TAX1BP1: variants seen among roughly 807,000 people sequenced by gnomAD.
TAX1BP1 encodes the protein Tax1 binding protein 1.
In TAX1BP1, 62 loss-of-function variants were observed where a neutral mutation model predicts 97.7. The observed-to-expected ratio is 0.63, with a 90% confidence interval of 0.52 to 0.78. The LOEUF is 0.78. TAX1BP1 is among the 30% of genes least tolerant of loss of function. The pLI, the probability that TAX1BP1 is intolerant of heterozygous loss-of-function variation, is 0.00. For missense variants in TAX1BP1, 867 were observed against 916.1 expected, an observed-to-expected ratio of 0.95 and a Z score of 0.69; for synonymous variants, 340 against 304.2, an observed-to-expected ratio of 1.12 and a Z score of -1.23.
rs146717285 is a variant in TAX1BP1, at chr7:27,792,000, C to A, written c.1039-6C>A. On this transcript the variant is annotated splice_region_variant and splice_polypyrimidine_tract_variant and intron_variant, in intron 8 of 16. Coordinates refer to ENST00000396319, the MANE Select transcript of TAX1BP1 (RefSeq NM_006024.7). ...AATTACAAATATATTTATCTGCTTT[C>A]TTCAGGAAGATACTTGTTTTTTAAA... The A allele has an allele frequency of 3.7e-4, 593 of 1,612,644 alleles. 1 individual carries two copies. In the African/African-American group the frequency reaches 7.3e-3, roughly 20 times the overall value.
At chr7:27,808,278 A>G (rs1455211647) in intron 13 of TAX1BP1, among the ~76,000 whole-genome samples, 1 of 152,240 alleles carries the variant, frequency 6.6e-6, no homozygotes, top group Non-Finnish European at 1.5e-5. Flanking sequence ...TTATACCTCC[A>G]ATTGTAGTCT....
chr7:27,820,673 A>G (rs1388660763), intron 15 of TAX1BP1, among the ~76,000 whole-genome samples: 1 of 152,204 alleles, frequency 6.6e-6, no homozygotes, highest in African/African-American at 2.4e-5. Flanking sequence ...TGAAAGAATG[A>G]AATTAGACTC....
At position 27,764,763 on chromosome 7, in the gene TAX1BP1, G is replaced by A. The variant is rs79275794; in HGVS notation, c.266-1071G>A. Among the ~76,000 whole-genome samples, 745 of 151,742 alleles carry A rather than the reference G, an allele frequency of 4.9e-3. 5 individuals carry two copies. Among genetic ancestry groups the A allele is most frequent in the African/African-American group, 0.014 (559 of 41,392 alleles). On this transcript the variant is annotated intron_variant, in intron 3 of 16. Transcript: ENST00000396319. ...TGTATATTTATTAGTTGATCATTAC[G>A]TTAGAAAGAATTTTCTTCTTCTCCA...
intron 13 of TAX1BP1, among the ~76,000 whole-genome samples, chr7:27,804,555 A>G (rs897759017): frequency 6.6e-6 from 1 of 152,236 alleles, no homozygotes; most frequent in East Asian, 1.9e-4. Context: ...CCCACTTTAG[A>G]TGCCAGTTAC....
intron 10 of TAX1BP1, among the ~76,000 whole-genome samples, chr7:27,793,697 A>G (rs1026390520): frequency 6.6e-6 from 1 of 152,158 alleles, no homozygotes; most frequent in African/African-American, 2.4e-5. Flanking sequence ...CCATTTGAGA[A>G]TAGGTAGGTA....
chr7:27,741,416 T>A (rs1322065037), intron 1 of TAX1BP1, among the ~76,000 whole-genome samples: 3 of 152,234 alleles, frequency 2.0e-5, no homozygotes, highest in African/African-American at 7.2e-5. Context: ...TGATGCCGAC[T>A]TCTAATAAGG....
chr7:27,789,697 GATTC>G (rs146163934), intron 8 of TAX1BP1, among the ~76,000 whole-genome samples: 7,624 of 151,706 alleles, frequency 0.05, 294 homozygotes, highest in Non-Finnish European at 0.074. Context: ...TACCTTGATT[GATTC>G]ATTATTTCTT....
intron 15 of TAX1BP1, among the ~76,000 whole-genome samples, chr7:27,821,804 A>C (rs555014518): frequency 6.6e-6 from 1 of 152,090 alleles, no homozygotes; most frequent in Non-Finnish European, 1.5e-5. Flanking sequence ...AGCAAAAAAA[A>C]CCCTGTAGCC....
chr7:27,751,875 A>G (rs1381656606), intron 2 of TAX1BP1, among the ~76,000 whole-genome samples: 1 of 152,008 alleles, frequency 6.6e-6, no homozygotes, highest in African/African-American at 2.4e-5. Context: ...CTGGTCTCGA[A>G]CTCCTGGGCT....
chr7:27,758,186 A>C lies in TAX1BP1; in HGVS notation c.265+53A>C. ...TGAAACTAGATGTCTTATTGCCATT[A>C]AAGATGTTGTACTCCATTGTAATGA... is the stretch of plus-strand genomic sequence containing the variant. On this transcript the variant is annotated intron_variant, in intron 3 of 16. Transcript: ENST00000396319. 4 of 1,375,600 alleles carry C rather than the reference A, an allele frequency of 2.9e-6. No individual in the cohort carries two copies. In the South Asian group the frequency reaches 4.9e-5, roughly 17 times the overall value. 85.2% of individuals were successfully genotyped at this position (1,375,600 alleles called of 1,614,324 possible).
chr7:27,818,143 C>G (rs1790849414), intron 15 of TAX1BP1, among the ~76,000 whole-genome samples: 1 of 152,134 alleles, frequency 6.6e-6, no homozygotes, highest in South Asian at 2.1e-4. Flanking sequence ...GTGACAAGCC[C>G]TTCTCTTCCG....
At chr7:27,794,036 C>T (rs1030350090) in intron 10 of TAX1BP1, among the ~76,000 whole-genome samples, 11 of 152,110 alleles carry the variant, frequency 7.2e-5, no homozygotes, top group South Asian at 2.1e-4. Flanking sequence ...CTTTTGAGTA[C>T]GTTATAACTT....
chr7:27,788,235 T>C (rs1172613032), intron 8 of TAX1BP1, among the ~76,000 whole-genome samples: 1 of 152,086 alleles, frequency 6.6e-6, no homozygotes, highest in Non-Finnish European at 1.5e-5. Flanking sequence ...GATGATGTTT[T>C]GTCCATCCTG....
chr7:27,743,397 G>A (rs62449631), intron 1 of TAX1BP1, among the ~76,000 whole-genome samples: 53,533 of 152,056 alleles, frequency 0.35, 10,424 homozygotes, highest in East Asian at 0.65. Flanking sequence ...GTGTCCTATC[G>A]GATTAAAGTT....
At chr7:27,749,798 T>C (rs762784084) in intron 2 of TAX1BP1, among the ~76,000 whole-genome samples, 3 of 152,186 alleles carry the variant, frequency 2.0e-5, no homozygotes, top group Non-Finnish European at 4.4e-5. Context: ...TTAAATTTTA[T>C]TTCTTATTTT....
At position 27,809,355 on chromosome 7, in the gene TAX1BP1, CTG is replaced by C. The variant is rs141921034; in HGVS notation, c.1765-6990_1765-6989del. On this transcript the variant is annotated intron_variant, in intron 13 of 16. Coordinates refer to ENST00000396319, the MANE Select transcript of TAX1BP1 (RefSeq NM_006024.7). Reference sequence around the variant, plus strand: ...CAAGTTACAGGTACCACAACCATTACTGTGTTTTTTGGCCTACATTCCTAATG... The same window carrying C: ...CAAGTTACAGGTACCACAACCATTACTGTTTTTTGGCCTACATTCCTAATG... 6.6e-3 allele frequency among the ~76,000 whole-genome samples: 1,009 copies of C among 152,322 alleles called. 8 individuals are homozygous for C. Among genetic ancestry groups the C allele is most frequent in the African/African-American group, 0.023 (945 of 41,566 alleles).
chr7:27,793,862 A>G (rs540544196), intron 10 of TAX1BP1, among the ~76,000 whole-genome samples: 1 of 152,356 alleles, frequency 6.6e-6, no homozygotes, highest in East Asian at 1.9e-4. Context: ...AAGTGGTACT[A>G]TAGCTCTCTT....
At chr7:27,779,927 G>A (rs1256332092) in intron 5 of TAX1BP1, among the ~76,000 whole-genome samples, 1 of 152,208 alleles carries the variant, frequency 6.6e-6, no homozygotes, top group Non-Finnish European at 1.5e-5. Context: ...ATGATCAATA[G>A]TGTAAGTTAT....
At chr7:27,773,586 A>G (rs896175051) in intron 5 of TAX1BP1, among the ~76,000 whole-genome samples, 1 of 152,068 alleles carries the variant, frequency 6.6e-6, no homozygotes, top group African/African-American at 2.4e-5. Flanking sequence ...TTCACTTAGC[A>G]TAATGTTTTC....
Sources: allele counts gnomAD v4.1 joint callset (sites outside exome capture counted in the v4.1 genomes callset), GRCh38; gene constraint gnomAD v4.1.1; transcripts MANE v1.5; gene names NCBI Gene and HGNC (gene_info 2026-07-23, HGNC 2026-07-21).